The following ZBTB7C variants were observed in gnomAD, a reference collection of about 807,000 sequenced individuals.
ZBTB7C encodes zinc finger and BTB domain-containing protein 7C.
ZBTB7C carries 8 observed loss-of-function variants against 25.7 expected under a neutral mutation model. The ratio of observed to expected loss-of-function variants is 0.31; its 90% CI spans 0.18 to 0.56. ZBTB7C has a LOEUF of 0.56. Among genes scored for constraint, ZBTB7C ranks in the 20% least tolerant of loss-of-function variants. ZBTB7C has a pLI of 0.91. For missense variants in ZBTB7C, 824 were observed against 855.2 expected (o/e 0.96, Z 0.46); for synonymous variants, 394 against 369.0 (o/e 1.07, Z -0.78).
chr18:48,333,600 A>G (rs1050035186), intron 2 of ZBTB7C, among the ~76,000 whole-genome samples: 2 of 152,224 alleles, frequency 1.3e-5, no homozygotes, highest in East Asian at 3.8e-4. Context: ...CCCCCTCTGC[A>G]TTGTCCTCCA....
intron 2 of ZBTB7C, among the ~76,000 whole-genome samples, chr18:48,224,957 G>C (rs767886738): frequency 6.6e-6 from 1 of 151,964 alleles, no homozygotes; most frequent in Non-Finnish European, 1.5e-5. Flanking sequence ...AGAATATTTT[G>C]GTGACTTAAA....
At chr18:48,191,629 G>A (rs2042198703) in intron 2 of ZBTB7C, among the ~76,000 whole-genome samples, 1 of 152,160 alleles carries the variant, frequency 6.6e-6, no homozygotes, top group Non-Finnish European at 1.5e-5. Flanking sequence ...CCACATTCCT[G>A]GAGAAAGTAC....
At chr18:48,079,270 T>C (rs2037890716) in intron 3 of ZBTB7C, among the ~76,000 whole-genome samples, 2 of 152,240 alleles carry the variant, frequency 1.3e-5, no homozygotes, top group Non-Finnish European at 2.9e-5. Flanking sequence ...AGGTAAGTCA[T>C]GACTCGTTGC....
chr18:48,266,900 T>C (rs531615080), intron 2 of ZBTB7C, among the ~76,000 whole-genome samples: 2 of 152,274 alleles, frequency 1.3e-5, no homozygotes, highest in South Asian at 4.1e-4. Context: ...TTATAAGATA[T>C]GTGTTATAAT....
In ZBTB7C at chr18:48,028,582, G is replaced by C. The variant is rs1193334679; in HGVS notation, c.*678C>G. On this transcript the variant is annotated 3_prime_UTR_variant, in exon 5 of 5. Transcript: ENST00000590800. ...AGGTGTGTATGTGTTTAGAGGTGGA[G>C]GGCGGAAACCTCAGTTACCAGCCCC... The C allele has an allele frequency of 6.6e-6, 1 of 152,280 alleles. No homozygotes were observed. The highest frequency in any genetic ancestry group is 1.5e-5 in the Non-Finnish European group (1 of 68,120). 9.4% of individuals were successfully genotyped at this position (152,280 alleles called of 1,614,324 possible). A position where few individuals can be genotyped will look rare whatever the true frequency, so the allele number is the denominator to read the frequency against.
chr18:48,301,250 G>A (rs1000404720), intron 2 of ZBTB7C, among the ~76,000 whole-genome samples: 1 of 152,144 alleles, frequency 6.6e-6, no homozygotes, highest in Admixed American at 6.5e-5. Flanking sequence ...AGGCTGAGGT[G>A]GGGGGATCAC....
chr18:48,372,360 C>T (rs2047407478), intron 1 of ZBTB7C, among the ~76,000 whole-genome samples: 1 of 152,212 alleles, frequency 6.6e-6, no homozygotes. Context: ...TGCCTCCTGA[C>T]ATTTCCCAGT....
chr18:48,244,666 A>C (rs192015177), intron 2 of ZBTB7C, among the ~76,000 whole-genome samples: 88 of 152,348 alleles, frequency 5.8e-4, no homozygotes, highest in Non-Finnish European at 1.1e-3. Flanking sequence ...GAAGATATAC[A>C]AACAGCAAAC....
In ZBTB7C at chr18:48,091,238, A is replaced by ATTTTTTTTTTT. The variant is rs35051690; in HGVS notation, c.-16-50126_-16-50116dup. Among the ~76,000 whole-genome samples, 41 of 64,660 alleles carry ATTTTTTTTTTT rather than the reference A, an allele frequency of 6.3e-4. 2 individuals are homozygous for ATTTTTTTTTTT. Among genetic ancestry groups the ATTTTTTTTTTT allele is most frequent in the Admixed American group, 1.3e-3 (6 of 4,454 alleles). The allele number at this position is 64,660 out of a possible 152,430, so 42.4% of individuals were successfully genotyped here. ...AGGCATGTGCCACTATGCCCGGATA[A>ATTTTTTTTTTT]TTTTTTTTTTTTTTTTTTTTTTTTT... On this transcript the variant is annotated intron_variant, in intron 3 of 4. Coordinates refer to ENST00000590800, the MANE Select transcript of ZBTB7C (RefSeq NM_001318841.2).
At chr18:48,369,804 G>C (rs1417756992) in intron 1 of ZBTB7C, among the ~76,000 whole-genome samples, 1 of 152,174 alleles carries the variant, frequency 6.6e-6, no homozygotes, top group African/African-American at 2.4e-5. Context: ...TACACGTTCA[G>C]AGTTCAATAC....
chr18:48,192,761 G>A (rs994063245), intron 2 of ZBTB7C, among the ~76,000 whole-genome samples: 2 of 152,170 alleles, frequency 1.3e-5, no homozygotes, highest in African/African-American at 4.8e-5. Flanking sequence ...TGAACCCAGT[G>A]GATGATGGAC....
At chr18:48,092,051 A>T (rs2038436860) in intron 3 of ZBTB7C, among the ~76,000 whole-genome samples, 1 of 152,210 alleles carries the variant, frequency 6.6e-6, no homozygotes, top group Non-Finnish European at 1.5e-5. Flanking sequence ...TATGTCAATC[A>T]TAGAATCATT....
At chr18:48,356,527 G>A (rs2046981221) in intron 1 of ZBTB7C, among the ~76,000 whole-genome samples, 1 of 152,158 alleles carries the variant, frequency 6.6e-6, no homozygotes, top group Non-Finnish European at 1.5e-5. Context: ...TTGGCAACAG[G>A]AAGGCCCTCC....
At chr18:48,124,300 T>G (rs11663144) in intron 3 of ZBTB7C, among the ~76,000 whole-genome samples, 21,926 of 152,166 alleles carry the variant, frequency 0.14, 1,796 homozygotes, top group South Asian at 0.23. Flanking sequence ...GTGAATGTAT[T>G]AGGAGACACT....
Position 48,338,597 on chromosome 18 carries a change from A to AAC in ZBTB7C, c.-303-201_-303-200dup, listed in dbSNP as rs550065222. Among the ~76,000 whole-genome samples, 1,480 of 151,468 alleles carry AAC rather than the reference A, an allele frequency of 9.8e-3. 9 individuals are homozygous for AAC. Among genetic ancestry groups the AAC allele is most frequent in the Non-Finnish European group, 0.016 (1,054 of 67,768 alleles). On this transcript the variant is annotated intron_variant, in intron 1 of 4. Coordinates refer to ENST00000590800, the MANE Select transcript of ZBTB7C (RefSeq NM_001318841.2). Reference sequence around the variant, plus strand: ...GCCCACCAACCCAGGCCCAGGCCTCAACACACACACACACACCGCACACAC... The same window carrying AAC: ...GCCCACCAACCCAGGCCCAGGCCTCAACACACACACACACACACCGCACACAC...
chr18:48,195,666 G>GA (rs745352298), intron 2 of ZBTB7C, among the ~76,000 whole-genome samples: 4 of 151,908 alleles, frequency 2.6e-5, no homozygotes, highest in Non-Finnish European at 5.9e-5. Context: ...TTTTCCACTT[G>GA]AATGACAAAT....
chr18:48,394,218 G>A (rs2047968171), intron 1 of ZBTB7C, among the ~76,000 whole-genome samples: 1 of 152,146 alleles, frequency 6.6e-6, no homozygotes, highest in Non-Finnish European at 1.5e-5. Flanking sequence ...CTTAAGAAAT[G>A]TCCCAGAAAT....
chr18:48,168,314 A>T (rs2145005303), intron 3 of ZBTB7C, among the ~76,000 whole-genome samples: 1 of 152,372 alleles, frequency 6.6e-6, no homozygotes, highest in South Asian at 2.1e-4. Context: ...GAAACTGGCA[A>T]ATTTTTGTTA....
chr18:48,118,882 T>G (rs897635860), intron 3 of ZBTB7C, among the ~76,000 whole-genome samples: 2 of 152,226 alleles, frequency 1.3e-5, no homozygotes, highest in Admixed American at 1.3e-4. Flanking sequence ...CTTTCTTTCT[T>G]TTTTGTCTTT....
Sources: gnomAD v4.1 joint callset for allele counts (sites outside exome capture counted in the v4.1 genomes callset) on GRCh38, gnomAD v4.1.1 for gene constraint, MANE v1.5 for transcripts, NCBI Gene and HGNC (gene_info 2026-07-23, HGNC 2026-07-21) for gene names.